PISD: variants seen among roughly 807,000 people sequenced by gnomAD.
The protein encoded by PISD is phosphatidylserine decarboxylase, also known as phosphatidylserine decarboxylase proenzyme, mitochondrial.
In PISD, 31 loss-of-function variants were observed where a neutral mutation model predicts 43.5. The ratio of observed to expected loss-of-function variants is 0.71; its 90% CI spans 0.54 to 0.96. The LOEUF (loss-of-function observed/expected upper bound fraction) is 0.96, where lower values mean the gene tolerates loss of function less well. PISD is among the 40% of genes least tolerant of loss of function. The pLI, the probability that PISD is intolerant of heterozygous loss-of-function variation, is 0.00. For synonymous variants in PISD, 259 were observed against 228.7 expected, an observed-to-expected ratio of 1.13 and a Z score of -1.20; for missense variants, 523 against 548.4, an observed-to-expected ratio of 0.95 and a Z score of 0.46.
intron 1 of PISD, among the ~76,000 whole-genome samples, chr22:31,651,178 G>A (rs939883169): frequency 6.6e-6 from 1 of 152,026 alleles, no homozygotes; most frequent in Non-Finnish European, 1.5e-5. Context: ...TGGCCAGGCT[G>A]GTCTCAAACT....
chr22:31,619,820 CTGTT>C lies in PISD; in HGVS notation c.1018_1021del (p.Asn340AlafsTer15). 6.2e-7 allele frequency: 1 copy of C among 1,613,578 alleles called. No individual in the cohort carries two copies. Among genetic ancestry groups the C allele is most frequent in the Non-Finnish European group, 8.5e-7 (1 of 1,179,656 alleles). The stretch of plus-strand genomic sequence containing the variant: ...GTAGGAGCCCTTGCTGTGCCTTGGG[CTGTT>C]TGTGTGCAGGTCCTGTGGTGATAGG... On this transcript the variant is annotated frameshift_variant, in exon 8 of 8. Coordinates refer to ENST00000439502, the MANE Select transcript of PISD (RefSeq NM_001326411.2). LOFTEE classifies it high-confidence loss of function.
At chr22:31,658,522 C>T (rs1414921663) in intron 1 of PISD, among the ~76,000 whole-genome samples, 1 of 151,194 alleles carries the variant, frequency 6.6e-6, no homozygotes, top group African/African-American at 2.5e-5. Context: ...AGTCTGTCTC[C>T]ATGGCATCCT....
At chr22:31,644,034 C>T (rs1175348679) in intron 3 of PISD, among the ~76,000 whole-genome samples, 10 of 149,996 alleles carry the variant, frequency 6.7e-5, no homozygotes, top group East Asian at 4.0e-4. Flanking sequence ...GGTGACAGGG[C>T]GAGTCTCCGT....
At chr22:31,632,918 A>G (rs2073270010) in intron 3 of PISD, among the ~76,000 whole-genome samples, 1 of 152,102 alleles carries the variant, frequency 6.6e-6, no homozygotes. Flanking sequence ...CTATGGTAAA[A>G]CTGGTTTCAT....
Position 31,643,864 on chromosome 22 carries a change from C to T in PISD, c.321+4237G>A, listed in dbSNP as rs577927774. 2.2e-3 allele frequency among the ~76,000 whole-genome samples: 341 copies of T among 152,176 alleles called. 1 individual carries two copies. Among genetic ancestry groups the T allele is most frequent in the Non-Finnish European group, 3.9e-3 (263 of 67,996 alleles). Reference sequence around the variant, plus strand: ...GAGATCGAGACTATCCTGGTTAACACGGTGAAACCCCGTCTCTACTAAAAA... The same window carrying T: ...GAGATCGAGACTATCCTGGTTAACATGGTGAAACCCCGTCTCTACTAAAAA... On this transcript the variant is annotated intron_variant, in intron 3 of 7. Coordinates refer to ENST00000439502, the MANE Select transcript of PISD (RefSeq NM_001326411.2).
intron 1 of PISD, among the ~76,000 whole-genome samples, chr22:31,658,255 C>G (rs1350659154): frequency 1.3e-5 from 2 of 152,192 alleles, no homozygotes; most frequent in African/African-American, 4.8e-5. Flanking sequence ...ATTGAGCACT[C>G]CAGTCTGCCT....
Position 31,630,895 on chromosome 22 carries a change from A to T in PISD, c.322-9010T>A. On this transcript the variant is annotated intron_variant, in intron 3 of 7. Coordinates refer to ENST00000439502, the MANE Select transcript of PISD (RefSeq NM_001326411.2). This position sits in a 1 kb window ranked among gnomAD's most constrained non-coding sequence, Gnocchi z 4.4. ...GGCGAGTGGGCGGGGCTCGGGCTCCAGCCACTCAGACTACCAGGGGCGGGG... is the reference window on the plus strand; with the variant it reads ...GGCGAGTGGGCGGGGCTCGGGCTCCTGCCACTCAGACTACCAGGGGCGGGG... 1 of 981,226 alleles carries T rather than the reference A, an allele frequency of 1.0e-6. No individual in the cohort carries two copies. The highest frequency in any genetic ancestry group is 1.2e-6 in the Non-Finnish European group (1 of 826,068). The allele number at this position is 981,226 out of a possible 1,614,324, so 60.8% of individuals were successfully genotyped here.
At chr22:31,635,797 G>C (rs2073413915) in intron 3 of PISD, among the ~76,000 whole-genome samples, 1 of 152,234 alleles carries the variant, frequency 6.6e-6, no homozygotes, top group Non-Finnish European at 1.5e-5. Flanking sequence ...CTGCCAGCCA[G>C]TTCCAGTGGC....
At chr22:31,656,878 T>C (rs1258637154) in intron 1 of PISD, among the ~76,000 whole-genome samples, 1 of 152,094 alleles carries the variant, frequency 6.6e-6, no homozygotes, top group East Asian at 1.9e-4. Context: ...CATCATTTAG[T>C]TCTCTGCTCA....
Position 31,630,793 on chromosome 22 carries a change from C to G in PISD, c.322-8908G>C, listed in dbSNP as rs963842961. The G allele has an allele frequency of 2.0e-6, 2 of 985,458 alleles. No individual in the cohort carries two copies. Among genetic ancestry groups the G allele is most frequent in the Non-Finnish European group, 1.2e-6 (1 of 830,066 alleles). The allele number at this position is 985,458 out of a possible 1,614,324, so 61.0% of individuals were successfully genotyped here. On this transcript the variant is annotated intron_variant, in intron 3 of 7. Transcript: ENST00000439502. This position sits in a 1 kb window ranked among gnomAD's most constrained non-coding sequence, Gnocchi z 4.4. The stretch of plus-strand genomic sequence containing the variant: ...CCCGGCAGGGCCGGGGCGCCGGCTC[C>G]GCTCACTCACCCGCAGGTGGCTCCA...
At chr22:31,633,030 G>A (rs1362666123) in intron 3 of PISD, among the ~76,000 whole-genome samples, 4 of 152,178 alleles carry the variant, frequency 2.6e-5, no homozygotes, top group African/African-American at 9.7e-5. Context: ...AGAAACTTCA[G>A]ACCCCTTCTC....
intron 2 of PISD, among the ~76,000 whole-genome samples, chr22:31,648,869 T>G (rs2073957608): frequency 6.6e-6 from 1 of 152,184 alleles, no homozygotes; most frequent in Non-Finnish European, 1.5e-5. Flanking sequence ...ATGAAAACAC[T>G]GAATCGCAAA....
chr22:31,641,763 T>C (rs1298835351), intron 3 of PISD, among the ~76,000 whole-genome samples: 1 of 151,006 alleles, frequency 6.6e-6, no homozygotes, highest in African/African-American at 2.5e-5. Context: ...CAGGTTGCAG[T>C]GAGCTGAGAT....
intron 3 of PISD, among the ~76,000 whole-genome samples, chr22:31,631,076 T>A (rs2073187208): frequency 6.6e-6 from 1 of 152,178 alleles, no homozygotes; most frequent in South Asian, 2.1e-4. Context: ...TTGGTCACTG[T>A]CACGGGAGGA....
In PISD at chr22:31,630,696, G is replaced by A. The variant is rs1487944126; in HGVS notation, c.322-8811C>T. On this transcript the variant is annotated intron_variant, in intron 3 of 7. Coordinates refer to ENST00000439502, the MANE Select transcript of PISD (RefSeq NM_001326411.2). This position sits in a 1 kb window ranked among gnomAD's most constrained non-coding sequence, Gnocchi z 4.4. ...CCACCTGCGACCGAAGGCCCTAGAA[G>A]GGCACCCCCACCCGGCACTGGCCCT... The A allele has an allele frequency of 5.1e-6, 5 of 983,218 alleles. No individual in the cohort carries two copies. The highest frequency in any genetic ancestry group is 6.0e-6 in the Non-Finnish European group (5 of 827,910). 60.9% of individuals were successfully genotyped at this position (983,218 alleles called of 1,614,324 possible).
intron 3 of PISD, chr22:31,625,980 C>CT: frequency 6.8e-7 from 1 of 1,467,112 alleles, no homozygotes; most frequent in Non-Finnish European, 9.0e-7. Flanking sequence ...TTGGTTCAGT[C>CT]TCGGTGGCTC....
intron 4 of PISD, 47 bp from the exon 5 acceptor site, chr22:31,621,519 C>A: frequency 6.2e-7 from 1 of 1,608,094 alleles, no homozygotes; most frequent in Non-Finnish European, 8.5e-7. Flanking sequence ...AGGGTCTCCT[C>A]CCCCCAGGAG....
At chr22:31,640,575 GTTTTTTTTTTT>G (rs759964791) in intron 3 of PISD, among the ~76,000 whole-genome samples, 3 of 91,254 alleles carry the variant, frequency 3.3e-5, no homozygotes, top group East Asian at 3.6e-4. Context: ...CGGTTTGGTT[GTTTTTTTTTTT>G]TTTTTTTTTT....
chr22:31,624,760 A>AAC (rs2072800400), intron 3 of PISD, among the ~76,000 whole-genome samples: 1 of 118,838 alleles, frequency 8.4e-6, no homozygotes, highest in Admixed American at 8.0e-5. Context: ...CACACACGAG[A>AAC]CCCAAGCCCC....
Sources: gnomAD v4.1 joint callset for allele counts (sites outside exome capture counted in the v4.1 genomes callset) on GRCh38, gnomAD v4.1.1 for gene constraint, Gnocchi (gnomAD v3.1) non-coding constraint, MANE v1.5 for transcripts, NCBI Gene and HGNC (gene_info 2026-07-23, HGNC 2026-07-21) for gene names.